The following AGAP1 variants were observed in gnomAD, a reference collection of about 807,000 sequenced individuals.
AGAP1 encodes the protein arf-GAP with GTPase, ANK repeat and PH domain-containing protein 1.
AGAP1 carries 29 observed loss-of-function variants against 105.3 expected under a neutral mutation model. That is an observed-to-expected ratio of 0.28 (90% CI 0.21 to 0.38). The LOEUF is 0.38. AGAP1 is among the 10% of genes least tolerant of loss of function. The pLI is 1.00. For synonymous variants in AGAP1, 509 were observed against 485.9 expected (o/e 1.05, Z -0.63); for missense variants, 998 against 1,165.1 (o/e 0.86, Z 2.09).
chr2:235,522,266 G>A (rs10460277), intron 1 of AGAP1, among the ~76,000 whole-genome samples: 114,042 of 152,072 alleles, frequency 0.75, 43,294 homozygotes, highest in East Asian at 0.91. Context: ...AGAATGTCAC[G>A]TCGGTTGAGG....
At chr2:235,803,022 G>GGTGATGGCTGTGA (rs1957629492) in intron 8 of AGAP1, among the ~76,000 whole-genome samples, 1 of 4,806 alleles carries the variant, frequency 2.1e-4, no homozygotes, top group African/African-American at 4.7e-4. Context: ...TGTGATGGTG[G>GGTGATGGCTGTGA]TGATGGTTGT....
chr2:235,541,374 T>C (rs974449382), intron 1 of AGAP1, among the ~76,000 whole-genome samples: 1 of 139,876 alleles, frequency 7.1e-6, no homozygotes, highest in Non-Finnish European at 1.5e-5. Context: ...TCCATTCTTA[T>C]TCTTTTTTTT....
chr2:236,116,357 C>CTTTTTTTTTTTTTTTTTT (rs371846381), intron 16 of AGAP1, among the ~76,000 whole-genome samples: 9 of 129,134 alleles, frequency 7.0e-5, no homozygotes, highest in Non-Finnish European at 8.3e-5. Context: ...TAATTAAGTT[C>CTTTTTTTTTTTTTTTTTT]TTTTTTTTTT....
rs1047222971 is a variant in AGAP1, at chr2:235,631,115, G to A, written c.164-78064G>A. The stretch of plus-strand genomic sequence containing the variant: ...GCACTGGTAATGCCTGGATACCAGG[G>A]TTACACACTCAGGGAAAATCCACAG... On this transcript the variant is annotated intron_variant, in intron 1 of 17. Transcript: ENST00000304032. This position sits in a 1 kb window ranked among gnomAD's most constrained non-coding sequence, Gnocchi z 5.4. 1.3e-5 allele frequency among the ~76,000 whole-genome samples: 2 copies of A among 152,150 alleles called. No individual in the cohort carries two copies. The highest frequency in any genetic ancestry group is 1.5e-5 in the Non-Finnish European group (1 of 68,032).
chr2:235,980,774 G>A (rs891571384), intron 13 of AGAP1, among the ~76,000 whole-genome samples: 1 of 152,190 alleles, frequency 6.6e-6, no homozygotes, highest in African/African-American at 2.4e-5. Context: ...TGCTAGGTTT[G>A]GGCTCAGCCT....
rs2059858967 is a variant in AGAP1 at position 236,119,891 on chromosome 2, C to T, written c.2115-301C>T. Among the ~76,000 whole-genome samples the T allele has an allele frequency of 1.3e-5, 2 of 152,152 alleles. No homozygotes were observed. Among genetic ancestry groups the T allele is most frequent in the African/African-American group, 4.8e-5 (2 of 41,426 alleles). ...GTGTATGAGCCTGAGATCAGCGGCT[C>T]TCACACCTTGGGCCTATTGGAATCC... is the stretch of plus-strand genomic sequence containing the variant. On this transcript the variant is annotated intron_variant, in intron 16 of 17. Coordinates refer to ENST00000304032, the MANE Select transcript of AGAP1 (RefSeq NM_001037131.3). This position sits in a 1 kb window ranked among gnomAD's most constrained non-coding sequence, Gnocchi z 6.6.
rs1443936822 is a variant in AGAP1 at position 236,128,451 on chromosome 2, T to G, written c.*4329T>G. The G allele has an allele frequency of 3.9e-5, 6 of 152,222 alleles. No homozygotes were observed. In the East Asian group the frequency reaches 1.2e-3, roughly 29 times the overall value. The allele number at this position is 152,222 out of a possible 1,614,324, so 9.4% of individuals were successfully genotyped here. On this transcript the variant is annotated 3_prime_UTR_variant, in exon 18 of 18. Transcript: ENST00000304032. This position sits in a 1 kb window ranked among gnomAD's most constrained non-coding sequence, Gnocchi z 5.9. ...GCCTTGCTTGGTGCTCCCCTCCTCC[T>G]CCTGTCTGAGATCGGAGCTTGCTGG...
At chr2:236,019,274 G>C (rs2056810312) in intron 13 of AGAP1, among the ~76,000 whole-genome samples, 1 of 152,186 alleles carries the variant, frequency 6.6e-6, no homozygotes, top group African/African-American at 2.4e-5. Context: ...GAGAGGGTAA[G>C]GGTGCACCCG....
rs951338457 is a variant in AGAP1 at position 235,960,575 on chromosome 2, G to A, written c.1484-7887G>A. 2.6e-5 allele frequency among the ~76,000 whole-genome samples: 4 copies of A among 152,098 alleles called. No homozygotes were observed. Among genetic ancestry groups the A allele is most frequent in the Admixed American group, 1.3e-4 (2 of 15,268 alleles). ...CCCTGCACCTGTGGCCCCTGCTATC[G>A]GCGTGCTTACTGGAGATGCGATTCC... On this transcript the variant is annotated intron_variant, in intron 12 of 17. Transcript: ENST00000304032. This position sits in a 1 kb window ranked among gnomAD's most constrained non-coding sequence, Gnocchi z 4.9.
At chr2:235,974,773 G>A (rs531222609) in intron 13 of AGAP1, among the ~76,000 whole-genome samples, 1 of 152,330 alleles carries the variant, frequency 6.6e-6, no homozygotes, top group Non-Finnish European at 1.5e-5. Flanking sequence ...CTCTTTCAAA[G>A]GAGAACCTGA....
rs2051036890 is a variant in AGAP1, at chr2:235,900,949, T to C, written c.1156-7789T>C. On this transcript the variant is annotated intron_variant, in intron 10 of 17. Transcript: ENST00000304032. The surrounding 1 kb of genome is among the most constrained non-coding windows in gnomAD (Gnocchi z 5.5). Reference sequence around the variant, plus strand: ...TTATTTCTCATGGGATTTTTCCCTTTGAAGCTGCCTCCTACCTTGCTATTG... The same window carrying C: ...TTATTTCTCATGGGATTTTTCCCTTCGAAGCTGCCTCCTACCTTGCTATTG... Among the ~76,000 whole-genome samples the C allele has an allele frequency of 6.6e-6, 1 of 152,248 alleles. No homozygotes were observed. The highest frequency in any genetic ancestry group is 2.4e-5 in the African/African-American group (1 of 41,464).
intron 16 of AGAP1, among the ~76,000 whole-genome samples, chr2:236,077,954 C>T (rs989861242): frequency 6.6e-6 from 1 of 151,942 alleles, no homozygotes; most frequent in Non-Finnish European, 1.5e-5. Flanking sequence ...AGCCTCACAG[C>T]GATAGGGCTC....
chr2:235,874,794 A>G lies in AGAP1; in HGVS notation c.1051-8551A>G, dbSNP rs555076109. 6.6e-6 allele frequency among the ~76,000 whole-genome samples: 1 copy of G among 152,326 alleles called. No individual in the cohort carries two copies. Among genetic ancestry groups the G allele is most frequent in the South Asian group, 2.1e-4 (1 of 4,830 alleles). ...AGATAGCATTACTCCTAGAACCAAG[A>G]TACCATGAGTGTGTGTGTGCATGTG... On this transcript the variant is annotated intron_variant, in intron 9 of 17. Coordinates refer to ENST00000304032, the MANE Select transcript of AGAP1 (RefSeq NM_001037131.3). This position sits in a 1 kb window ranked among gnomAD's most constrained non-coding sequence, Gnocchi z 4.5.
At chr2:235,760,848 A>G (rs1954379193) in intron 6 of AGAP1, among the ~76,000 whole-genome samples, 1 of 152,222 alleles carries the variant, frequency 6.6e-6, no homozygotes. Context: ...TCAGCCTTCC[A>G]AAGTGTGATG....
At chr2:235,940,471 T>C (rs1319275268) in intron 12 of AGAP1, among the ~76,000 whole-genome samples, 1 of 152,142 alleles carries the variant, frequency 6.6e-6, no homozygotes, top group Non-Finnish European at 1.5e-5. Flanking sequence ...TTTGACCGCC[T>C]CTCCATGGCT....
intron 6 of AGAP1, among the ~76,000 whole-genome samples, chr2:235,791,528 A>G (rs1420267761): frequency 6.6e-6 from 1 of 151,922 alleles, no homozygotes; most frequent in Admixed American, 6.6e-5. Flanking sequence ...AAACAATAAG[A>G]TGGCACGTTG....
intron 6 of AGAP1, among the ~76,000 whole-genome samples, chr2:235,796,252 A>G (rs1005382032): frequency 6.6e-6 from 1 of 152,192 alleles, no homozygotes; most frequent in African/African-American, 2.4e-5. Flanking sequence ...GGTTTTTGCA[A>G]TTTCAAGATA....
chr2:235,784,857 T>C (rs1365663408), intron 6 of AGAP1, among the ~76,000 whole-genome samples: 1 of 151,980 alleles, frequency 6.6e-6, no homozygotes, highest in Admixed American at 6.6e-5. Flanking sequence ...TTCTGGGAGG[T>C]AATGCTGGTT....
intron 9 of AGAP1, among the ~76,000 whole-genome samples, chr2:235,811,121 T>G (rs1256535921): frequency 6.6e-6 from 1 of 152,144 alleles, no homozygotes; most frequent in Non-Finnish European, 1.5e-5. Flanking sequence ...GAGGTCTGTT[T>G]GGGGGACAGC....
Sources: allele counts gnomAD v4.1 joint callset (sites outside exome capture counted in the v4.1 genomes callset), GRCh38; gene constraint gnomAD v4.1.1; non-coding constraint Gnocchi (gnomAD v3.1); transcripts MANE v1.5; gene names NCBI Gene and HGNC (gene_info 2026-07-23, HGNC 2026-07-21).